The following NLGN1 variants were observed in gnomAD, a reference collection of about 807,000 sequenced individuals.
The protein encoded by NLGN1 is neuroligin 1.
In NLGN1, 12 loss-of-function variants were observed where a neutral mutation model predicts 65.5. That is an observed-to-expected ratio of 0.18 (90% confidence interval 0.12 to 0.30). NLGN1 has a LOEUF of 0.30. Among genes scored for constraint, NLGN1 ranks in the 10% least tolerant of loss-of-function variants. The pLI, the probability that NLGN1 is intolerant of heterozygous loss-of-function variation, is 1.00. For synonymous variants in NLGN1, 350 were observed against 359.5 expected (o/e 0.97, Z 0.30); for missense variants, 750 against 1,007.1 (o/e 0.74, Z 3.46).
chr3:174,251,215 A>G (rs754910038), intron 4 of NLGN1, among the ~76,000 whole-genome samples: 4 of 152,188 alleles, frequency 2.6e-5, no homozygotes, highest in Non-Finnish European at 5.9e-5. Flanking sequence ...TTATTATTGG[A>G]TTTTCAGTTC....
At chr3:174,084,391 C>G (rs924093874) in intron 4 of NLGN1, among the ~76,000 whole-genome samples, 5 of 152,080 alleles carry the variant, frequency 3.3e-5, no homozygotes, top group African/African-American at 1.2e-4. Flanking sequence ...CGTATCTTCA[C>G]ATAGAAATTT....
chr3:173,826,885 C>A (rs1721438122), intron 4 of NLGN1, among the ~76,000 whole-genome samples: 1 of 151,974 alleles, frequency 6.6e-6, no homozygotes. Flanking sequence ...CTCTGGTTTG[C>A]AGTGATTATA....
intron 4 of NLGN1, among the ~76,000 whole-genome samples, chr3:174,130,472 G>A (rs908781414): frequency 1.3e-4 from 20 of 152,110 alleles, no homozygotes; most frequent in Admixed American, 6.5e-5. Flanking sequence ...TTCCTTGCCT[G>A]ACAGCTCTAA....
At chr3:173,962,697 G>A (rs1403108859) in intron 4 of NLGN1, among the ~76,000 whole-genome samples, 1 of 152,036 alleles carries the variant, frequency 6.6e-6, no homozygotes, top group East Asian at 1.9e-4. Context: ...TAATATAAAG[G>A]CATGTTATTT....
At chr3:173,540,225 T>TCTGCCA (rs1738617244) in intron 2 of NLGN1, among the ~76,000 whole-genome samples, 1 of 152,164 alleles carries the variant, frequency 6.6e-6, no homozygotes, top group Non-Finnish European at 1.5e-5. Flanking sequence ...AGCATCCCTG[T>TCTGCCA]CTGCCACTGC....
intron 4 of NLGN1, among the ~76,000 whole-genome samples, chr3:173,907,742 C>T (rs151308349): frequency 0.018 from 2,670 of 152,026 alleles, 24 homozygotes; most frequent in Middle Eastern, 0.027. Flanking sequence ...GCTTCACCAC[C>T]CCCGGCTAAT....
intron 4 of NLGN1, among the ~76,000 whole-genome samples, chr3:173,927,858 C>T (rs1042840228): frequency 1.3e-5 from 2 of 152,234 alleles, no homozygotes; most frequent in Middle Eastern, 3.4e-3. Flanking sequence ...CTGCAGAGGG[C>T]CCTGTGATCC....
intron 4 of NLGN1, among the ~76,000 whole-genome samples, chr3:174,066,552 C>CTGTGTGTG (rs1235577088): frequency 8.6e-6 from 1 of 115,660 alleles, no homozygotes; most frequent in African/African-American, 3.5e-5. Context: ...CTCTCTCTCT[C>CTGTGTGTG]TCTCTCTCTC....
At chr3:173,469,368 T>A (rs247972) in intron 2 of NLGN1, among the ~76,000 whole-genome samples, 15,566 of 152,128 alleles carry the variant, frequency 0.1, 881 homozygotes, top group Admixed American at 0.14. Context: ...AGATTGTTAA[T>A]TAGTTCTCCT....
rs913368389 is a variant in NLGN1 at position 173,493,195 on chromosome 3, A to C, written c.-321+58117A>C. Among the ~76,000 whole-genome samples the C allele has an allele frequency of 2.0e-5, 3 of 151,948 alleles. No individual in the cohort carries two copies. The South Asian group carries it at 6.2e-4, about 31-fold the overall frequency. On this transcript the variant is annotated intron_variant, in intron 2 of 6. Transcript: ENST00000457714. ...AAATTGAAGTTCAGCAACATTAAATATCATGCCCCAAGTCACACAGCTATT... is the reference window on the plus strand; with the variant it reads ...AAATTGAAGTTCAGCAACATTAAATCTCATGCCCCAAGTCACACAGCTATT...
chr3:173,609,119 G>A (rs1388177581), intron 3 of NLGN1, among the ~76,000 whole-genome samples: 1 of 151,902 alleles, frequency 6.6e-6, no homozygotes, highest in East Asian at 1.9e-4. Context: ...ACATGAGAAG[G>A]AGAAACAAAG....
intron 4 of NLGN1, among the ~76,000 whole-genome samples, chr3:174,088,712 C>T (rs1743912200): frequency 6.6e-6 from 1 of 151,212 alleles, no homozygotes; most frequent in South Asian, 2.1e-4. Context: ...GAGATCGCGC[C>T]ACTGCACTCC....
chr3:173,429,306 G>A (rs530034236), intron 1 of NLGN1, among the ~76,000 whole-genome samples: 127 of 152,004 alleles, frequency 8.4e-4, no homozygotes, highest in Middle Eastern at 3.4e-3. Flanking sequence ...CTATCTAGCC[G>A]TTGTATTTCT....
At chr3:173,571,370 C>G (rs1744624452) in intron 2 of NLGN1, among the ~76,000 whole-genome samples, 1 of 152,140 alleles carries the variant, frequency 6.6e-6, no homozygotes, top group South Asian at 2.1e-4. Context: ...ATTACCTACG[C>G]TGAAAGCTGT....
intron 4 of NLGN1, among the ~76,000 whole-genome samples, chr3:174,183,441 AAAAT>A (rs1354767441): frequency 5.3e-5 from 8 of 152,138 alleles, no homozygotes; most frequent in African/African-American, 1.4e-4. Flanking sequence ...GTTAAAAGAA[AAAAT>A]AAATAAATAA....
chr3:173,977,958 T>A (rs545767958), intron 4 of NLGN1, among the ~76,000 whole-genome samples: 2 of 151,980 alleles, frequency 1.3e-5, no homozygotes, highest in South Asian at 4.2e-4. Context: ...TTTTGTGGCT[T>A]GAGGGTAATG....
intron 2 of NLGN1, among the ~76,000 whole-genome samples, chr3:173,574,012 G>T (rs936532229): frequency 7.3e-6 from 1 of 136,802 alleles, no homozygotes; most frequent in South Asian, 2.3e-4. Flanking sequence ...GCAGTGAGCC[G>T]AGATGGCATC....
At chr3:173,869,242 C>T (rs943992076) in intron 4 of NLGN1, among the ~76,000 whole-genome samples, 1 of 152,068 alleles carries the variant, frequency 6.6e-6, no homozygotes, top group African/African-American at 2.4e-5. Flanking sequence ...AAAAATAATA[C>T]CTTTCAATTA....
intron 2 of NLGN1, among the ~76,000 whole-genome samples, chr3:173,510,424 TC>T (rs1302342818): frequency 6.6e-6 from 1 of 152,184 alleles, no homozygotes; most frequent in Non-Finnish European, 1.5e-5. Context: ...GTCATCACTA[TC>T]CCCATTTTAT....
Sources: gnomAD v4.1 joint callset for allele counts (sites outside exome capture counted in the v4.1 genomes callset) on GRCh38, gnomAD v4.1.1 for gene constraint, MANE v1.5 for transcripts, NCBI Gene and HGNC (gene_info 2026-07-23, HGNC 2026-07-21) for gene names.